Variants in SNX29 observed in about 807,000 individuals in gnomAD.
SNX29 encodes the protein sorting nexin 29.
Under a neutral mutation model 102.1 loss-of-function variants are expected in SNX29, and 78 were observed. The observed-to-expected ratio is 0.76, with a 90% CI of 0.64 to 0.92. The LOEUF is 0.92. Among genes scored for constraint, SNX29 ranks in the 40% least tolerant of loss-of-function variants. SNX29 has a pLI of 0.00. For missense variants in SNX29, 1,280 were observed against 1,061.7 expected, an observed-to-expected ratio of 1.21 and a Z score of -2.86; for synonymous variants, 580 against 414.5, an observed-to-expected ratio of 1.40 and a Z score of -4.85.
chr16:12,032,064 T>G (rs1411601660), intron 4 of SNX29, among the ~76,000 whole-genome samples: 1 of 152,180 alleles, frequency 6.6e-6, no homozygotes, highest in East Asian at 1.9e-4. Context: ...TCTGCCTCAG[T>G]GCATTCTACT....
chr16:12,182,837 G>A (rs978972765), intron 13 of SNX29, among the ~76,000 whole-genome samples: 2 of 151,498 alleles, frequency 1.3e-5, no homozygotes, highest in Admixed American at 6.6e-5. Context: ...AGAAGGCTGA[G>A]GCAGGAGACT....
intron 18 of SNX29, among the ~76,000 whole-genome samples, chr16:12,451,649 G>T (rs1375544992): frequency 1.3e-5 from 2 of 152,202 alleles, no homozygotes; most frequent in Admixed American, 1.3e-4. Flanking sequence ...GGACCATGAG[G>T]TCAGGAGATC....
At chr16:12,112,497 G>A (rs1272353689) in intron 11 of SNX29, among the ~76,000 whole-genome samples, 1 of 152,214 alleles carries the variant, frequency 6.6e-6, no homozygotes, top group Non-Finnish European at 1.5e-5. Flanking sequence ...GTACTAGGCT[G>A]CATGCGTGAG....
intron 14 of SNX29, among the ~76,000 whole-genome samples, chr16:12,237,188 G>C (rs1021276548): frequency 1.3e-5 from 2 of 152,168 alleles, no homozygotes; most frequent in African/African-American, 4.8e-5. Context: ...GCGAAGCTCT[G>C]TCCACCCCCG....
At chr16:12,060,359 A>G (rs1188752843) in intron 8 of SNX29, among the ~76,000 whole-genome samples, 1 of 152,172 alleles carries the variant, frequency 6.6e-6, no homozygotes, top group Non-Finnish European at 1.5e-5. Flanking sequence ...GGGGAGGCTG[A>G]AGCAGGAGGA....
intron 19 of SNX29, among the ~76,000 whole-genome samples, chr16:12,518,378 C>A (rs1039359973): frequency 6.6e-6 from 1 of 152,206 alleles, no homozygotes; most frequent in Non-Finnish European, 1.5e-5. Context: ...CCTGTTCCAG[C>A]AAGCCAAGCT....
intron 15 of SNX29, among the ~76,000 whole-genome samples, chr16:12,317,852 TG>T (rs1324751674): frequency 2.0e-5 from 3 of 152,258 alleles, no homozygotes; most frequent in South Asian, 4.2e-4. Context: ...CGTGCCGGGG[TG>T]GGGGGTCGAA....
intron 4 of SNX29, among the ~76,000 whole-genome samples, chr16:12,035,425 T>C (rs537477028): frequency 6.6e-6 from 1 of 152,204 alleles, no homozygotes; most frequent in East Asian, 1.9e-4. Context: ...TGTAAACTCT[T>C]GTAGGATGTG....
chr16:12,331,982 C>A (rs1033237654), intron 15 of SNX29, among the ~76,000 whole-genome samples: 1 of 152,088 alleles, frequency 6.6e-6, no homozygotes, highest in East Asian at 1.9e-4. Context: ...ATCGCTTGAA[C>A]CTAGTAGGTG....
intron 11 of SNX29, among the ~76,000 whole-genome samples, chr16:12,106,063 G>C (rs1035860796): frequency 1.3e-5 from 2 of 152,168 alleles, no homozygotes; most frequent in Non-Finnish European, 2.9e-5. Flanking sequence ...TAACGCGAGG[G>C]AGGAGGGAGA....
chr16:12,499,900 C>T (rs1400847631), intron 19 of SNX29, among the ~76,000 whole-genome samples: 1 of 152,152 alleles, frequency 6.6e-6, no homozygotes, highest in Non-Finnish European at 1.5e-5. Context: ...TGGTCTCAAA[C>T]TCCTGGGCTC....
chr16:12,068,608 G>A (rs2051148187), intron 9 of SNX29, among the ~76,000 whole-genome samples: 1 of 151,852 alleles, frequency 6.6e-6, no homozygotes, highest in African/African-American at 2.4e-5. Context: ...GCAATGGCAC[G>A]ATCTCGGCTC....
At chr16:12,025,168 G>A (rs769450607) in intron 3 of SNX29, among the ~76,000 whole-genome samples, 1 of 152,048 alleles carries the variant, frequency 6.6e-6, no homozygotes, top group Non-Finnish European at 1.5e-5. Context: ...CAGGCATGGT[G>A]GCAGGCGCCT....
chr16:12,184,433 GA>G (rs1290892952), intron 13 of SNX29, among the ~76,000 whole-genome samples: 22 of 152,236 alleles, frequency 1.4e-4, no homozygotes, highest in Admixed American at 7.8e-4. Context: ...GGTCATGGCT[GA>G]GGAACAGCCT....
chr16:11,995,737 G>A (rs537255140), intron 1 of SNX29, among the ~76,000 whole-genome samples: 14 of 151,968 alleles, frequency 9.2e-5, no homozygotes, highest in African/African-American at 3.1e-4. Context: ...GAAAGGAGCC[G>A]GCAGTGTCAG....
intron 18 of SNX29, among the ~76,000 whole-genome samples, chr16:12,408,495 G>T (rs2084264727): frequency 6.6e-6 from 1 of 152,222 alleles, no homozygotes. Flanking sequence ...GCAATGTCAG[G>T]GTCCCAGAAC....
intron 14 of SNX29, among the ~76,000 whole-genome samples, chr16:12,220,342 G>A (rs1448048797): frequency 1.3e-5 from 2 of 150,790 alleles, no homozygotes; most frequent in East Asian, 3.9e-4. Context: ...GAGGGAGGGA[G>A]GGAGAGCAAC....
chr16:12,482,120 T>C (rs1193678743), intron 19 of SNX29, among the ~76,000 whole-genome samples: 3 of 152,194 alleles, frequency 2.0e-5, no homozygotes, highest in African/African-American at 4.8e-5. Context: ...GTGTGTTGAT[T>C]CTACATTGGC....
intron 20 of SNX29, among the ~76,000 whole-genome samples, chr16:12,558,700 ATCCCGTT>A (rs2078529384): frequency 1.3e-5 from 2 of 152,074 alleles, no homozygotes; most frequent in Admixed American, 1.3e-4. Flanking sequence ...ATCCACCCCC[ATCCCGTT>A]TCTACGGGGG....
Sources: gnomAD v4.1 joint callset for allele counts (sites outside exome capture counted in the v4.1 genomes callset) on GRCh38, gnomAD v4.1.1 for gene constraint, MANE v1.5 for transcripts, NCBI Gene and HGNC (gene_info 2026-07-23, HGNC 2026-07-21) for gene names.